Variants in SEPTIN9 observed in about 807,000 individuals in gnomAD.
SEPTIN9 encodes septin 9, also known as septin-9.
A neutral mutation model predicts 56.6 loss-of-function variants in SEPTIN9; 13 were observed. That is an observed-to-expected ratio of 0.23 (90% CI 0.15 to 0.37). The LOEUF is 0.37. Ranked by LOEUF, SEPTIN9 falls within the 10% of genes least tolerant of loss-of-function variation. The probability of loss-of-function intolerance (pLI) is 1.00; values close to 1 mark genes in which losing one functional copy is unlikely to be tolerated. For synonymous variants in SEPTIN9, 332 were observed against 334.1 expected (o/e 0.99, Z 0.07); for missense variants, 650 against 823.1 (o/e 0.79, Z 2.57).
chr17:77,396,051 G>C (rs1431439602), intron 2 of SEPTIN9, among the ~76,000 whole-genome samples: 2 of 152,186 alleles, frequency 1.3e-5, no homozygotes, highest in African/African-American at 2.4e-5. Context: ...GAGGCTTTTG[G>C]GAGCTTGCGA....
chr17:77,308,014 T>C (rs1229857205), intron 2 of SEPTIN9, among the ~76,000 whole-genome samples: 2 of 152,206 alleles, frequency 1.3e-5, no homozygotes, highest in Non-Finnish European at 2.9e-5. Context: ...TTCTTGGCTG[T>C]CACTTCCAGC....
intron 2 of SEPTIN9, among the ~76,000 whole-genome samples, chr17:77,365,027 G>T (rs915264803): frequency 2.0e-5 from 3 of 152,236 alleles, no homozygotes; most frequent in Non-Finnish European, 4.4e-5. Flanking sequence ...TGTTAGAGAT[G>T]CAGAAGAGAC....
Position 77,495,952 on chromosome 17 carries a change from C to T in SEPTIN9, c.1574-1363C>T, listed in dbSNP as rs545319790. Among the ~76,000 whole-genome samples, 4 of 152,288 alleles carry T rather than the reference C, an allele frequency of 2.6e-5. No homozygotes were observed. In the East Asian group the frequency reaches 7.7e-4, roughly 29 times the overall value. On this transcript the variant is annotated intron_variant, in intron 10 of 11. Coordinates refer to ENST00000427177, the MANE Select transcript of SEPTIN9 (RefSeq NM_001113491.2). ...TATGGGTTCTGCATCCCGCTCCAGC[C>T]TTATGCACTGTGGAGCTGAGACAGA...
intron 2 of SEPTIN9, among the ~76,000 whole-genome samples, chr17:77,311,390 C>T (rs562014893): frequency 6.6e-6 from 1 of 152,262 alleles, no homozygotes; most frequent in East Asian, 1.9e-4. Flanking sequence ...TCCCACCTGG[C>T]CGCTGTGGAT....
intron 3 of SEPTIN9, among the ~76,000 whole-genome samples, chr17:77,412,285 T>A (rs2036332322): frequency 6.6e-6 from 1 of 152,160 alleles, no homozygotes; most frequent in Admixed American, 6.5e-5. Context: ...CTATGCCCCT[T>A]ACCCCTGGCT....
chr17:77,385,675 AG>A (rs1167757887), intron 2 of SEPTIN9, among the ~76,000 whole-genome samples: 1 of 152,250 alleles, frequency 6.6e-6, no homozygotes. Flanking sequence ...GCTGGCAGTC[AG>A]GGGACCTGAG....
chr17:77,360,726 G>A (rs945190841), intron 2 of SEPTIN9, among the ~76,000 whole-genome samples: 18 of 151,786 alleles, frequency 1.2e-4, no homozygotes, highest in Admixed American at 2.0e-4. Flanking sequence ...CACCACACCC[G>A]GCTAATTTTT....
At chr17:77,442,746 A>G (rs1265850263) in intron 3 of SEPTIN9, among the ~76,000 whole-genome samples, 2 of 151,968 alleles carry the variant, frequency 1.3e-5, no homozygotes, top group Middle Eastern at 6.8e-3. Context: ...GGTGGTGCAC[A>G]CCTGTAATCC....
chr17:77,485,184 TGTG>T (rs1188070025), intron 4 of SEPTIN9, among the ~76,000 whole-genome samples: 38 of 65,288 alleles, frequency 5.8e-4, no homozygotes, highest in Admixed American at 3.3e-3. Context: ...TGATGGTGAT[TGTG>T]GTGGTGGTGG....
chr17:77,350,867 A>G (rs2034038671), intron 2 of SEPTIN9, among the ~76,000 whole-genome samples: 2 of 152,122 alleles, frequency 1.3e-5, no homozygotes, highest in Non-Finnish European at 1.5e-5. Context: ...CAAACTTCCA[A>G]AATTCAATCT....
At chr17:77,404,944 T>C in intron 3 of SEPTIN9, 1 of 740,952 alleles carries the variant, frequency 1.3e-6, no homozygotes, top group Non-Finnish European at 2.1e-6. Flanking sequence ...GGCAGGAGGC[T>C]GTTTCCTCCC....
intron 2 of SEPTIN9, chr17:77,373,667 G>A: frequency 1.4e-6 from 2 of 1,453,206 alleles, no homozygotes; most frequent in South Asian, 1.3e-5. Flanking sequence ...GAGGGGAGAC[G>A]GGACCCCTAA....
rs908839702 is a variant in SEPTIN9 at position 77,405,088 on chromosome 17, G to T, written c.721+2385G>T. On this transcript the variant is annotated intron_variant, in intron 3 of 11. Transcript: ENST00000427177. The surrounding 1 kb of genome is among the most constrained non-coding windows in gnomAD (Gnocchi z 5.8). ...GTTGTCACCGAGCCATCTAAATCTC[G>T]GTGATGGCTGGTGCTGGATGCACAG... is the stretch of plus-strand genomic sequence containing the variant. 1.3e-6 allele frequency: 2 copies of T among 1,535,408 alleles called. No individual in the cohort carries two copies. Among genetic ancestry groups the T allele is most frequent in the Non-Finnish European group, 8.7e-7 (1 of 1,146,754 alleles).
intron 2 of SEPTIN9, among the ~76,000 whole-genome samples, chr17:77,314,180 A>ATT (rs560462464): frequency 3.7e-4 from 53 of 142,880 alleles, no homozygotes; most frequent in African/African-American, 6.5e-4. Context: ...AAAAAAAAAA[A>ATT]TTTTTTTTTT....
At chr17:77,479,291 A>T (rs899455602) in intron 3 of SEPTIN9, among the ~76,000 whole-genome samples, 1 of 152,212 alleles carries the variant, frequency 6.6e-6, no homozygotes, top group Non-Finnish European at 1.5e-5. Flanking sequence ...TCTGAGCACC[A>T]TGGTGTCCTG....
At chr17:77,325,592 G>A (rs1363212084) in intron 2 of SEPTIN9, among the ~76,000 whole-genome samples, 2 of 152,214 alleles carry the variant, frequency 1.3e-5, no homozygotes, top group Non-Finnish European at 2.9e-5. Flanking sequence ...CTGCGGACAT[G>A]CCCCTTGTTC....
chr17:77,500,231 G>C lies in SEPTIN9; in HGVS notation c.*1573G>C, dbSNP rs2040444456. ...CGTCTGACTCCCTCCCCACCCAAGA[G>C]AGGAAGGACCCCTCACCACCCCCAC... is the stretch of plus-strand genomic sequence containing the variant. On this transcript the variant is annotated 3_prime_UTR_variant, in exon 12 of 12. Transcript: ENST00000427177. The C allele has an allele frequency of 4.3e-6, 1 of 232,070 alleles. No homozygotes were observed. The highest frequency in any genetic ancestry group is 1.8e-4 in the South Asian group (1 of 5,530). The allele number at this position is 232,070 out of a possible 1,614,324, so 14.4% of individuals were successfully genotyped here.
intron 2 of SEPTIN9, among the ~76,000 whole-genome samples, chr17:77,365,341 C>T (rs555738146): frequency 1.3e-5 from 2 of 152,240 alleles, no homozygotes; most frequent in Admixed American, 1.3e-4. Flanking sequence ...TCTTCCCTCT[C>T]TTCCTTCCCT....
intron 3 of SEPTIN9, among the ~76,000 whole-genome samples, chr17:77,452,311 C>T (rs1001671235): frequency 2.0e-5 from 3 of 152,198 alleles, no homozygotes; most frequent in Non-Finnish European, 4.4e-5. Flanking sequence ...ATGCAGCCAA[C>T]GGGGTGGTCC....
Sources: gnomAD v4.1 joint callset for allele counts (sites outside exome capture counted in the v4.1 genomes callset) on GRCh38, gnomAD v4.1.1 for gene constraint, Gnocchi (gnomAD v3.1) non-coding constraint, MANE v1.5 for transcripts, NCBI Gene and HGNC (gene_info 2026-07-23, HGNC 2026-07-21) for gene names.